The following SMIM13 variants were observed in gnomAD, a reference collection of about 807,000 sequenced individuals.
SMIM13 encodes the protein small integral membrane protein 13.
Under a neutral mutation model 5.9 loss-of-function variants are expected in SMIM13, and 3 were observed. That is an observed-to-expected ratio of 0.51 (90% confidence interval 0.23 to 1.31). The LOEUF is 1.31. SMIM13 is among the 40% of genes most tolerant of loss of function. The pLI is 0.18. For missense variants in SMIM13, 85 were observed against 109.9 expected, an observed-to-expected ratio of 0.77 and a Z score of 1.01; for synonymous variants, 55 against 46.0, an observed-to-expected ratio of 1.19 and a Z score of -0.79.
intron 1 of SMIM13, among the ~76,000 whole-genome samples, chr6:11,125,506 G>A (rs1379698286): frequency 6.6e-6 from 1 of 152,168 alleles, no homozygotes; most frequent in Non-Finnish European, 1.5e-5. Flanking sequence ...TGAGGCAGGA[G>A]AATTGCTTGA....
At chr6:11,122,164 A>C (rs571399418) in intron 1 of SMIM13, among the ~76,000 whole-genome samples, 2 of 152,348 alleles carry the variant, frequency 1.3e-5, no homozygotes, top group Admixed American at 1.3e-4. Flanking sequence ...GGAGCTTAAA[A>C]AAAATGAATA....
intron 1 of SMIM13, among the ~76,000 whole-genome samples, chr6:11,131,084 AG>A (rs1758445621): frequency 6.6e-6 from 1 of 152,132 alleles, no homozygotes; most frequent in Non-Finnish European, 1.5e-5. Flanking sequence ...CAAGTGATCA[AG>A]TGAGTTCTTT....
At position 11,138,299 on chromosome 6, in the gene SMIM13, T is replaced by C. The variant is rs1041425866; in HGVS notation, c.*3697T>C. 6.6e-6 allele frequency: 1 copy of C among 152,228 alleles called. No individual in the cohort carries two copies. The highest frequency in any genetic ancestry group is 6.5e-5 in the Admixed American group (1 of 15,274). 9.4% of individuals were successfully genotyped at this position (152,228 alleles called of 1,614,324 possible). On this transcript the variant is annotated 3_prime_UTR_variant, in exon 2 of 2. Transcript: ENST00000416247. ...CACCTTGTATTGTCTGCTTCTAAAG[T>C]GTCCTATAGTTTTTAACTTAAAGTG...
chr6:11,096,524 G>A (rs940988568), intron 1 of SMIM13, among the ~76,000 whole-genome samples: 3 of 152,144 alleles, frequency 2.0e-5, no homozygotes, highest in Admixed American at 6.5e-5. Flanking sequence ...TGATGGAGTA[G>A]CCTCATCTTT....
At chr6:11,121,632 A>G (rs1463171549) in intron 1 of SMIM13, among the ~76,000 whole-genome samples, 1 of 152,210 alleles carries the variant, frequency 6.6e-6, no homozygotes, top group Admixed American at 6.5e-5. Flanking sequence ...TCTTACCAAT[A>G]TCATGTAAAG....
chr6:11,126,212 G>T (rs546500941), intron 1 of SMIM13, among the ~76,000 whole-genome samples: 1 of 152,278 alleles, frequency 6.6e-6, no homozygotes, highest in Non-Finnish European at 1.5e-5. Context: ...ACCACACCCA[G>T]CTAATTTTTG....
At chr6:11,133,638 G>A (rs529593727) in intron 1 of SMIM13, among the ~76,000 whole-genome samples, 136 of 152,016 alleles carry the variant, frequency 8.9e-4, no homozygotes, top group Non-Finnish European at 1.7e-3. Flanking sequence ...CCAAGCATAG[G>A]TTCAGAGGTT....
intron 1 of SMIM13, chr6:11,105,042 T>C: frequency 6.2e-7 from 1 of 1,614,210 alleles, no homozygotes; most frequent in Non-Finnish European, 8.5e-7. Context: ...AAGAAGACTA[T>C]TTGCAGGCCT....
intron 1 of SMIM13, among the ~76,000 whole-genome samples, chr6:11,111,160 C>T (rs1052885548): frequency 5.9e-5 from 9 of 152,136 alleles, no homozygotes; most frequent in Non-Finnish European, 1.0e-4. Context: ...GCTAACACAG[C>T]AAGAGCTGCG....
chr6:11,096,798 C>T (rs1581908061), intron 1 of SMIM13, among the ~76,000 whole-genome samples: 1 of 152,218 alleles, frequency 6.6e-6, no homozygotes, highest in Admixed American at 6.5e-5. Flanking sequence ...CACCCGGGTT[C>T]AAGCAATTCT....
At chr6:11,126,628 C>G (rs894892489) in intron 1 of SMIM13, among the ~76,000 whole-genome samples, 3 of 152,102 alleles carry the variant, frequency 2.0e-5, no homozygotes, top group Non-Finnish European at 4.4e-5. Context: ...GTCTCTGATG[C>G]CTTATGTAGT....
chr6:11,105,103 C>T (rs767913183), intron 1 of SMIM13: 15 of 1,614,072 alleles, frequency 9.3e-6, no homozygotes, highest in Non-Finnish European at 1.3e-5. Context: ...TGTAATTCCG[C>T]CTCTATGCTT....
chr6:11,103,362 C>G (rs544914261), intron 1 of SMIM13: 131 of 262,208 alleles, frequency 5.0e-4, no homozygotes, highest in Admixed American at 2.2e-3. Context: ...TAACAACTGC[C>G]TCACCATCAC....
At chr6:11,107,003 T>G (rs1260369844) in intron 1 of SMIM13, among the ~76,000 whole-genome samples, 1 of 152,210 alleles carries the variant, frequency 6.6e-6, no homozygotes, top group Admixed American at 6.5e-5. Context: ...TGAGTTTGGC[T>G]AATTGCACAG....
At chr6:11,116,198 T>C (rs1758237709) in intron 1 of SMIM13, among the ~76,000 whole-genome samples, 1 of 151,870 alleles carries the variant, frequency 6.6e-6, no homozygotes, top group Non-Finnish European at 1.5e-5. Context: ...TTGTATTTTT[T>C]GCTAGAGATG....
chr6:11,137,406 T>A lies in SMIM13; in HGVS notation c.*2804T>A, dbSNP rs1056479049. 1 of 123,116 alleles carries A rather than the reference T, an allele frequency of 8.1e-6. No individual in the cohort carries two copies. The highest frequency in any genetic ancestry group is 3.3e-5 in the African/African-American group (1 of 30,188). The allele number at this position is 123,116 out of a possible 1,614,324, so 7.6% of individuals were successfully genotyped here. ...GTGGTATAGTGTTTGTTTTCCTGTTTTAGTGCTTTTGTAGCTAAAACTTAC... is the reference window on the plus strand; with the variant it reads ...GTGGTATAGTGTTTGTTTTCCTGTTATAGTGCTTTTGTAGCTAAAACTTAC... On this transcript the variant is annotated 3_prime_UTR_variant, in exon 2 of 2. Transcript: ENST00000416247.
intron 1 of SMIM13, among the ~76,000 whole-genome samples, chr6:11,108,775 G>T (rs999388107): frequency 1.3e-5 from 2 of 152,206 alleles, no homozygotes; most frequent in East Asian, 3.8e-4. Context: ...CTAGTTTCTG[G>T]TGTTTCCTCC....
chr6:11,127,245 G>C (rs998137126), intron 1 of SMIM13, among the ~76,000 whole-genome samples: 2 of 152,172 alleles, frequency 1.3e-5, no homozygotes, highest in Admixed American at 1.3e-4. Context: ...TCCCCTAGCT[G>C]TCTGGGAGCC....
At chr6:11,109,550 A>G (rs1328234564) in intron 1 of SMIM13, among the ~76,000 whole-genome samples, 1 of 152,184 alleles carries the variant, frequency 6.6e-6, no homozygotes, top group East Asian at 1.9e-4. Context: ...CTGTTTTACA[A>G]GCCCAACAAA....
Sources: allele counts gnomAD v4.1 joint callset (sites outside exome capture counted in the v4.1 genomes callset), GRCh38; gene constraint gnomAD v4.1.1; transcripts MANE v1.5; gene names NCBI Gene and HGNC (gene_info 2026-07-23, HGNC 2026-07-21).